KIAA0825: variants seen among roughly 807,000 people sequenced by gnomAD.
The protein encoded by KIAA0825 is KIAA0825.
A neutral mutation model predicts 147.6 loss-of-function variants in KIAA0825; 119 were observed. The observed-to-expected ratio is 0.81, with a 90% CI of 0.69 to 0.94. The LOEUF is 0.94. Among genes scored for constraint, KIAA0825 ranks in the 40% least tolerant of loss-of-function variants. The probability of loss-of-function intolerance (pLI) is 0.00; values close to 1 mark genes in which losing one functional copy is unlikely to be tolerated. For synonymous variants in KIAA0825, 470 were observed against 518.1 expected, an observed-to-expected ratio of 0.91 and a Z score of 1.26; for missense variants, 1,381 against 1,472.7, an observed-to-expected ratio of 0.94 and a Z score of 1.02.
chr5:94,496,988 C>T (rs1047294329), intron 5 of KIAA0825, among the ~76,000 whole-genome samples: 5 of 152,192 alleles, frequency 3.3e-5, no homozygotes, highest in African/African-American at 1.2e-4. Context: ...TCTTCGGCCT[C>T]TTGAACGTGG....
At chr5:94,535,903 G>A (rs929131875) in intron 3 of KIAA0825, among the ~76,000 whole-genome samples, 1 of 152,178 alleles carries the variant, frequency 6.6e-6, no homozygotes, top group Non-Finnish European at 1.5e-5. Context: ...TCCTACCTGA[G>A]GACTAGTGAT....
At chr5:94,323,107 CGTT>C (rs1780350244) in intron 20 of KIAA0825, among the ~76,000 whole-genome samples, 2 of 151,972 alleles carry the variant, frequency 1.3e-5, no homozygotes, top group Admixed American at 1.3e-4. Context: ...TTCGAACACA[CGTT>C]GTGTGCGTAT....
chr5:94,559,683 C>T (rs1777206326), intron 2 of KIAA0825, among the ~76,000 whole-genome samples: 1 of 152,172 alleles, frequency 6.6e-6, no homozygotes, highest in Non-Finnish European at 1.5e-5. Flanking sequence ...GTCATTTCAG[C>T]TTGACACTAT....
intron 20 of KIAA0825, among the ~76,000 whole-genome samples, chr5:94,296,398 C>T (rs1778138787): frequency 6.6e-6 from 1 of 152,136 alleles, no homozygotes; most frequent in African/African-American, 2.4e-5. Flanking sequence ...AGCCCCCTTT[C>T]CAAGAGAGTG....
At chr5:94,618,059 C>T (rs1446144243) in intron 1 of KIAA0825, 1 of 152,270 alleles carries the variant, frequency 6.6e-6, no homozygotes, top group Admixed American at 6.5e-5. Flanking sequence ...ATCTCACTTC[C>T]TAAATGTTTG....
chr5:94,236,823 C>T (rs1775067742), intron 20 of KIAA0825, among the ~76,000 whole-genome samples: 1 of 152,162 alleles, frequency 6.6e-6, no homozygotes, highest in Non-Finnish European at 1.5e-5. Context: ...CCAGATGCTC[C>T]TTAGTATTTT....
At chr5:94,593,880 T>C in intron 1 of KIAA0825, 1 of 392,688 alleles carries the variant, frequency 2.5e-6, no homozygotes, top group South Asian at 2.1e-5. Flanking sequence ...GCTATTTCCC[T>C]GCTCCCTTCT....
chr5:94,434,553 T>A (rs1382404985), intron 14 of KIAA0825, among the ~76,000 whole-genome samples: 1 of 152,192 alleles, frequency 6.6e-6, no homozygotes, highest in Non-Finnish European at 1.5e-5. Flanking sequence ...TAGTACATGG[T>A]TATTGTCTTA....
chr5:94,593,136 C>T (rs2346763), intron 1 of KIAA0825: 74 of 746,380 alleles, frequency 9.9e-5, no homozygotes, highest in South Asian at 5.8e-4. Flanking sequence ...TGTTATACAT[C>T]ACACAACAGT....
chr5:94,158,432 TA>T (rs933134764), intron 20 of KIAA0825, among the ~76,000 whole-genome samples: 2 of 152,130 alleles, frequency 1.3e-5, no homozygotes, highest in African/African-American at 4.8e-5. Flanking sequence ...TGGCTGACAC[TA>T]CACTATGTCT....
intron 20 of KIAA0825, among the ~76,000 whole-genome samples, chr5:94,370,644 A>C (rs192222342): frequency 2.4e-4 from 36 of 152,156 alleles, no homozygotes; most frequent in African/African-American, 8.4e-4. Context: ...CTGTGGCTGA[A>C]GCCTGTAATC....
chr5:94,277,272 C>A (rs1777264890), intron 20 of KIAA0825, among the ~76,000 whole-genome samples: 1 of 151,946 alleles, frequency 6.6e-6, no homozygotes, highest in African/African-American at 2.4e-5. Flanking sequence ...TCTAATTAAA[C>A]TAAAGAGCTT....
intron 12 of KIAA0825, among the ~76,000 whole-genome samples, chr5:94,457,755 T>C (rs1044105442): frequency 2.0e-5 from 3 of 152,230 alleles, no homozygotes; most frequent in Non-Finnish European, 4.4e-5. Context: ...TAAAAAGAGT[T>C]AGCTGGGTTT....
chr5:94,234,296 G>A (rs528937637), intron 20 of KIAA0825, among the ~76,000 whole-genome samples: 17 of 151,924 alleles, frequency 1.1e-4, no homozygotes, highest in African/African-American at 3.1e-4. Flanking sequence ...GCGTGAACCC[G>A]GGAGGCGGAG....
intron 20 of KIAA0825, among the ~76,000 whole-genome samples, chr5:94,309,805 C>G (rs1206877597): frequency 6.6e-6 from 1 of 151,648 alleles, no homozygotes; most frequent in African/African-American, 2.4e-5. Context: ...AAGGAGAGTG[C>G]ATGAAACCTC....
At position 94,524,797 on chromosome 5, in the gene KIAA0825, T is replaced by A. The variant is rs576838104; in HGVS notation, c.132-699A>T. 3.3e-5 allele frequency among the ~76,000 whole-genome samples: 5 copies of A among 151,944 alleles called. No homozygotes were observed. In the South Asian group the frequency reaches 1.0e-3, roughly 31 times the overall value. On this transcript the variant is annotated intron_variant, in intron 3 of 20. Transcript: ENST00000682413. ...AATATTTATAAGGCATAAAATAAAA[T>A]GCTTCATTCACCAAAAAAGTAAACC...
At chr5:94,498,571 T>C (rs1036900163) in intron 5 of KIAA0825, among the ~76,000 whole-genome samples, 1 of 152,248 alleles carries the variant, frequency 6.6e-6, no homozygotes, top group Non-Finnish European at 1.5e-5. Context: ...TCTTCTATTG[T>C]GTAATCTACA....
intron 13 of KIAA0825, among the ~76,000 whole-genome samples, chr5:94,444,619 AGAT>A (rs1267315303): frequency 4.6e-5 from 7 of 152,120 alleles, no homozygotes; most frequent in African/African-American, 1.7e-4. Context: ...CATGAGGGAA[AGAT>A]GGAATAGGTG....
intron 20 of KIAA0825, among the ~76,000 whole-genome samples, chr5:94,181,769 T>G (rs961879353): frequency 2.0e-5 from 3 of 152,206 alleles, no homozygotes; most frequent in Non-Finnish European, 1.5e-5. Flanking sequence ...ATTGAAATTT[T>G]GATTCATCGA....
Sources: gnomAD v4.1 joint callset for allele counts (sites outside exome capture counted in the v4.1 genomes callset) on GRCh38, gnomAD v4.1.1 for gene constraint, MANE v1.5 for transcripts, NCBI Gene and HGNC (gene_info 2026-07-23, HGNC 2026-07-21) for gene names.